PLGRKT: variants seen among roughly 807,000 people sequenced by gnomAD.
PLGRKT encodes the protein plasminogen receptor with a C-terminal lysine.
PLGRKT carries 22 observed loss-of-function variants against 18.5 expected under a neutral mutation model. The observed-to-expected ratio is 1.19, with a 90% CI of 0.85 to 1.70. The LOEUF (loss-of-function observed/expected upper bound fraction) is 1.70, where lower values mean the gene tolerates loss of function less well. Ranked by LOEUF, PLGRKT falls within the 40% of genes most tolerant of loss-of-function variation. The probability of loss-of-function intolerance (pLI) is 0.00; values close to 1 mark genes in which losing one functional copy is unlikely to be tolerated. For synonymous variants in PLGRKT, 72 were observed against 52.8 expected (o/e 1.36, Z -1.58); for missense variants, 235 against 174.4 (o/e 1.35, Z -1.96).
At position 5,383,855 on chromosome 9, in the gene PLGRKT, C is replaced by G. The variant is rs371859366; in HGVS notation, c.82-21967G>C. Among the ~76,000 whole-genome samples the G allele has an allele frequency of 2.8e-4, 42 of 152,282 alleles. No homozygotes were observed. The South Asian group carries it at 8.3e-3, about 30-fold the overall frequency. On this transcript the variant is annotated intron_variant, in intron 3 of 5. Coordinates refer to ENST00000223864, the MANE Select transcript of PLGRKT (RefSeq NM_018465.4). ...CAATGACCAGTACCAGTCCGTGGCC[C>G]AGGGGTTGGGGATCCTAGAGTTAGT...
chr9:5,361,786 CA>C lies in PLGRKT; in HGVS notation c.183del (p.Phe61LeufsTer8). 1.2e-6 allele frequency: 2 copies of C among 1,612,272 alleles called. No individual in the cohort carries two copies. The highest frequency in any genetic ancestry group is 1.7e-5 in the Admixed American group (1 of 59,744). On this transcript the variant is annotated frameshift_variant, in exon 4 of 6. Coordinates refer to ENST00000223864, the MANE Select transcript of PLGRKT (RefSeq NM_018465.4). LOFTEE classifies it high-confidence loss of function. ...REFLKYFGTF[F>X]GLAAISLTAG... Reference sequence around the variant, plus strand: ...GCTGTTAAAGAGATGGCTGCAAGGCCAAAAAAAGTTCCAAAATATTTGAGGA... The same window carrying C: ...GCTGTTAAAGAGATGGCTGCAAGGCCAAAAAAGTTCCAAAATATTTGAGGA...
intron 3 of PLGRKT, among the ~76,000 whole-genome samples, chr9:5,409,158 A>G (rs1296519056): frequency 6.6e-6 from 1 of 152,230 alleles, no homozygotes; most frequent in Non-Finnish European, 1.5e-5. Context: ...GGGCACTGTG[A>G]TGGTTAATAC....
At chr9:5,421,999 G>A (rs1818584823) in intron 3 of PLGRKT, among the ~76,000 whole-genome samples, 1 of 152,144 alleles carries the variant, frequency 6.6e-6, no homozygotes, top group Admixed American at 6.5e-5. Context: ...TTCTGAAATT[G>A]CTAAATAAAA....
chr9:5,400,397 C>G (rs530260326), intron 3 of PLGRKT, among the ~76,000 whole-genome samples: 1 of 151,654 alleles, frequency 6.6e-6, no homozygotes, highest in South Asian at 2.1e-4. Context: ...AAAATCAGAC[C>G]AAGTGTAAAA....
intron 2 of PLGRKT, among the ~76,000 whole-genome samples, chr9:5,432,383 C>T (rs368979198): frequency 2.6e-5 from 4 of 152,196 alleles, no homozygotes; most frequent in Non-Finnish European, 4.4e-5. Flanking sequence ...AATTAGGCAA[C>T]AGAACCTTTG....
chr9:5,369,292 C>T (rs11788352), intron 3 of PLGRKT, among the ~76,000 whole-genome samples: 41,855 of 151,982 alleles, frequency 0.28, 5,944 homozygotes, highest in Non-Finnish European at 0.31. Flanking sequence ...GGCGAATAGA[C>T]ACTTCTCAAA....
chr9:5,419,260 T>C (rs1025424791), intron 3 of PLGRKT, among the ~76,000 whole-genome samples: 3 of 152,182 alleles, frequency 2.0e-5, no homozygotes, highest in African/African-American at 4.8e-5. Flanking sequence ...AAGGAAAACA[T>C]TGCAATATGA....
At chr9:5,392,852 T>A (rs1484934563) in intron 3 of PLGRKT, among the ~76,000 whole-genome samples, 1 of 151,740 alleles carries the variant, frequency 6.6e-6, no homozygotes, top group Non-Finnish European at 1.5e-5. Context: ...TTATTATTAT[T>A]TATTTTTGAG....
chr9:5,394,365 T>C (rs1818005980), intron 3 of PLGRKT, among the ~76,000 whole-genome samples: 1 of 151,748 alleles, frequency 6.6e-6, no homozygotes, highest in South Asian at 2.1e-4. Flanking sequence ...GGAGAAAACA[T>C]GAACTGAATG....
At chr9:5,426,485 G>C (rs927276347) in intron 3 of PLGRKT, among the ~76,000 whole-genome samples, 2 of 152,160 alleles carry the variant, frequency 1.3e-5, no homozygotes, top group South Asian at 2.1e-4. Flanking sequence ...GCCCCAGGGA[G>C]GATCAGAACT....
intron 3 of PLGRKT, among the ~76,000 whole-genome samples, chr9:5,412,457 T>G (rs1327837780): frequency 6.6e-6 from 1 of 152,238 alleles, no homozygotes; most frequent in Non-Finnish European, 1.5e-5. Flanking sequence ...TTAATGTCCC[T>G]ATCATGAGAG....
chr9:5,428,977 C>T (rs1818759974), intron 3 of PLGRKT, among the ~76,000 whole-genome samples: 1 of 152,166 alleles, frequency 6.6e-6, no homozygotes, highest in Non-Finnish European at 1.5e-5. Flanking sequence ...GCTGGGATTA[C>T]AGGTGTGAGT....
intron 3 of PLGRKT, among the ~76,000 whole-genome samples, chr9:5,387,996 GA>G (rs1051615798): frequency 2.1e-4 from 32 of 151,900 alleles, no homozygotes; most frequent in African/African-American, 7.5e-4. Context: ...TAGGTGACAT[GA>G]TGTGTCAAGC....
intron 3 of PLGRKT, among the ~76,000 whole-genome samples, chr9:5,420,326 T>C (rs984764398): frequency 1.3e-5 from 2 of 152,198 alleles, no homozygotes; most frequent in Admixed American, 1.3e-4. Flanking sequence ...TAAATAGTGG[T>C]GACAGTTGCA....
At position 5,418,341 on chromosome 9, in the gene PLGRKT, C is replaced by G. The variant is rs1288722830; in HGVS notation, c.81+13556G>C. 3 of 655,768 alleles carry G rather than the reference C, an allele frequency of 4.6e-6. No homozygotes were observed. The highest frequency in any genetic ancestry group is 5.6e-6 in the Non-Finnish European group (2 of 358,414). 40.6% of individuals were successfully genotyped at this position (655,768 alleles called of 1,614,324 possible). Reference sequence around the variant, plus strand: ...ATGTGCTCAACCCCTAAGTTGGCACCCACAAGAGACTTCCCTGCAGCCCTC... The same window carrying G: ...ATGTGCTCAACCCCTAAGTTGGCACGCACAAGAGACTTCCCTGCAGCCCTC... On this transcript the variant is annotated intron_variant, in intron 3 of 5. Transcript: ENST00000223864. The surrounding 1 kb of genome is among the most constrained non-coding windows in gnomAD (Gnocchi z 4.2).
chr9:5,397,180 C>T lies in PLGRKT; in HGVS notation c.81+34717G>A, dbSNP rs941876096. Among the ~76,000 whole-genome samples the T allele has an allele frequency of 7.9e-5, 12 of 151,906 alleles. 2 individuals carry two copies. Among genetic ancestry groups the T allele is most frequent in the African/African-American group, 2.9e-4 (12 of 41,172 alleles). On this transcript the variant is annotated intron_variant, in intron 3 of 5. Transcript: ENST00000223864. Reference sequence around the variant, plus strand: ...TAGTGGCAACAGATTGTAGGCTACTCGTGCCTACTAGTGGCAACCCATTAG... The same window carrying T: ...TAGTGGCAACAGATTGTAGGCTACTTGTGCCTACTAGTGGCAACCCATTAG...
At chr9:5,411,045 G>A (rs1042927189) in intron 3 of PLGRKT, among the ~76,000 whole-genome samples, 1 of 152,066 alleles carries the variant, frequency 6.6e-6, no homozygotes, top group African/African-American at 2.4e-5. Context: ...AGAAAAAATG[G>A]AGTAGTCATC....
At chr9:5,414,904 C>A (rs1818430170) in intron 3 of PLGRKT, among the ~76,000 whole-genome samples, 1 of 152,204 alleles carries the variant, frequency 6.6e-6, no homozygotes. Flanking sequence ...ATATGAACTT[C>A]TGGTTTAGAA....
chr9:5,400,341 T>C (rs1009334580), intron 3 of PLGRKT, among the ~76,000 whole-genome samples: 4 of 152,016 alleles, frequency 2.6e-5, no homozygotes, highest in African/African-American at 9.7e-5. Flanking sequence ...CTGAAAATAA[T>C]CATTTTACAT....
Sources: allele counts gnomAD v4.1 joint callset (sites outside exome capture counted in the v4.1 genomes callset), GRCh38; gene constraint gnomAD v4.1.1; non-coding constraint Gnocchi (gnomAD v3.1); transcripts MANE v1.5; gene names NCBI Gene and HGNC (gene_info 2026-07-23, HGNC 2026-07-21).